CNTNAP5: variants seen among roughly 807,000 people sequenced by gnomAD.
The protein encoded by CNTNAP5 is contactin-associated protein-like 5.
A neutral mutation model predicts 150.2 loss-of-function variants in CNTNAP5; 72 were observed. The observed-to-expected ratio is 0.48, with a 90% CI of 0.40 to 0.58. CNTNAP5 has a LOEUF of 0.58. CNTNAP5 is among the 20% of genes least tolerant of loss of function. CNTNAP5 has a pLI of 0.00. For synonymous variants in CNTNAP5, 672 were observed against 619.8 expected (o/e 1.08, Z -1.25); for missense variants, 1,636 against 1,626.2 (o/e 1.01, Z -0.10).
At chr2:124,080,828 C>A (rs1442169225) in intron 1 of CNTNAP5, among the ~76,000 whole-genome samples, 3 of 152,130 alleles carry the variant, frequency 2.0e-5, no homozygotes, top group African/African-American at 7.2e-5. Context: ...TCAAGAACAA[C>A]CTTAAAAACC....
At chr2:124,230,349 A>G (rs1686583810) in intron 2 of CNTNAP5, among the ~76,000 whole-genome samples, 1 of 152,088 alleles carries the variant, frequency 6.6e-6, no homozygotes, top group Admixed American at 6.6e-5. Context: ...TCCAGATTAC[A>G]AGGGAAAATC....
At chr2:124,467,908 T>C (rs1049771663) in intron 6 of CNTNAP5, among the ~76,000 whole-genome samples, 22 of 152,306 alleles carry the variant, frequency 1.4e-4, no homozygotes, top group African/African-American at 5.1e-4. Context: ...TAATAATTAC[T>C]TAATGATTAT....
intron 3 of CNTNAP5, among the ~76,000 whole-genome samples, chr2:124,248,357 G>T (rs1687082710): frequency 6.6e-6 from 1 of 152,162 alleles, no homozygotes; most frequent in Non-Finnish European, 1.5e-5. Context: ...ATAAAGCCTG[G>T]ACTTCACTAT....
At chr2:124,561,380 T>G (rs1244034143) in intron 10 of CNTNAP5, among the ~76,000 whole-genome samples, 1 of 152,144 alleles carries the variant, frequency 6.6e-6, no homozygotes, top group Admixed American at 6.5e-5. Flanking sequence ...TCTAAGTTTT[T>G]GGAACTTCCC....
chr2:124,179,693 C>T (rs1458758778), intron 1 of CNTNAP5, among the ~76,000 whole-genome samples: 4 of 152,142 alleles, frequency 2.6e-5, no homozygotes, highest in Non-Finnish European at 4.4e-5. Context: ...GCAAGTTGCA[C>T]GGCATGGAAG....
intron 19 of CNTNAP5, among the ~76,000 whole-genome samples, chr2:124,799,290 G>A (rs1052968946): frequency 1.7e-4 from 26 of 152,272 alleles, no homozygotes; most frequent in Middle Eastern, 3.4e-3. Context: ...AATGGTGAAC[G>A]ACACCACTTA....
intron 3 of CNTNAP5, among the ~76,000 whole-genome samples, chr2:124,252,588 TC>T (rs929889702): frequency 6.6e-6 from 1 of 152,094 alleles, no homozygotes; most frequent in Non-Finnish European, 1.5e-5. Context: ...CTTCATACAC[TC>T]CCCCCTCATT....
chr2:124,918,950 T>C lies in CNTNAP5; in HGVS notation c.*4662T>C, dbSNP rs545688595. ...TGTTTTCTTTAAAATACACATAATG[T>C]AATTGAATTATTTCTATATACTGTT... On this transcript the variant is annotated 3_prime_UTR_variant, in exon 24 of 24. Transcript: ENST00000682447. Among the ~76,000 whole-genome samples the C allele has an allele frequency of 9.9e-5, 15 of 152,262 alleles. No homozygotes were observed. In the South Asian group the frequency reaches 3.1e-3, roughly 32 times the overall value.
chr2:124,738,738 A>AAAAG (rs1195247142), intron 13 of CNTNAP5, among the ~76,000 whole-genome samples: 1 of 151,866 alleles, frequency 6.6e-6, no homozygotes, highest in African/African-American at 2.4e-5. Context: ...CAAAAAAAAA[A>AAAAG]AAAGAAAGAA....
At chr2:124,527,894 C>T (rs1460995595) in intron 10 of CNTNAP5, among the ~76,000 whole-genome samples, 1 of 152,148 alleles carries the variant, frequency 6.6e-6, no homozygotes, top group Non-Finnish European at 1.5e-5. Context: ...TGCCCAATAA[C>T]ACACAACTAC....
At chr2:124,485,632 A>AAAAG (rs1553472353) in intron 7 of CNTNAP5, among the ~76,000 whole-genome samples, 1 of 125,308 alleles carries the variant, frequency 8.0e-6, no homozygotes, top group South Asian at 3.0e-4. Context: ...AAAAAAAAAA[A>AAAAG]AAGAAGAAGG....
chr2:124,225,331 C>G (rs1030109252), intron 2 of CNTNAP5, among the ~76,000 whole-genome samples: 1 of 152,096 alleles, frequency 6.6e-6, no homozygotes, highest in East Asian at 1.9e-4. Context: ...TGGCCATGCC[C>G]GGCTTTCACC....
rs780364536 is a variant in CNTNAP5, at chr2:124,747,455, A to G, written c.2234+70A>G. ...TAATTGATGCATAAAATTCCCCAAGACAGAAGGACATGGATGAGAAATTCA... is the reference window on the plus strand; with the variant it reads ...TAATTGATGCATAAAATTCCCCAAGGCAGAAGGACATGGATGAGAAATTCA... On this transcript the variant is annotated intron_variant, in intron 14 of 23. Coordinates refer to ENST00000682447, the MANE Select transcript of CNTNAP5 (RefSeq NM_001367498.1). The G allele has an allele frequency of 7.1e-6, 11 of 1,551,790 alleles. No individual in the cohort carries two copies. The South Asian group carries it at 7.8e-5, about 11-fold the overall frequency.
intron 13 of CNTNAP5, among the ~76,000 whole-genome samples, chr2:124,718,894 G>A (rs182585507): frequency 9.1e-4 from 137 of 150,524 alleles, no homozygotes; most frequent in Non-Finnish European, 1.2e-3. Context: ...GCAGTGAGCC[G>A]GGATTATGCC....
At chr2:124,214,094 T>C (rs1447898747) in intron 1 of CNTNAP5, among the ~76,000 whole-genome samples, 1 of 152,114 alleles carries the variant, frequency 6.6e-6, no homozygotes, top group African/African-American at 2.4e-5. Context: ...AGAGTCCTCA[T>C]CCATGGAATA....
intron 13 of CNTNAP5, among the ~76,000 whole-genome samples, chr2:124,717,642 G>A (rs541654228): frequency 1.3e-5 from 2 of 152,188 alleles, no homozygotes; most frequent in Non-Finnish European, 2.9e-5. Flanking sequence ...ATTGAACGAT[G>A]CATCACACAT....
At chr2:124,626,574 G>A (rs1677727243) in intron 12 of CNTNAP5, among the ~76,000 whole-genome samples, 1 of 152,090 alleles carries the variant, frequency 6.6e-6, no homozygotes, top group African/African-American at 2.4e-5. Flanking sequence ...TGTGGATCAG[G>A]AGATTCCCTC....
chr2:124,704,550 G>A (rs903142180), intron 13 of CNTNAP5, among the ~76,000 whole-genome samples: 13 of 152,174 alleles, frequency 8.5e-5, no homozygotes, highest in African/African-American at 3.1e-4. Context: ...ATATCATAGG[G>A]AAGTGATTTT....
rs529249252 is a variant in CNTNAP5 at position 124,438,458 on chromosome 2, G to T, written c.733+3771G>T. ...ATGCAGGTCAATCATCCTTATAAGA[G>T]CCCAGTGCCTTTTAACTGAGGCAGG... On this transcript the variant is annotated intron_variant, in intron 5 of 23. Transcript: ENST00000682447. 7.2e-5 allele frequency among the ~76,000 whole-genome samples: 11 copies of T among 152,234 alleles called. 1 individual carries two copies. In the South Asian group the frequency reaches 1.9e-3, roughly 26 times the overall value.
Sources: gnomAD v4.1 joint callset for allele counts (sites outside exome capture counted in the v4.1 genomes callset) on GRCh38, gnomAD v4.1.1 for gene constraint, MANE v1.5 for transcripts, NCBI Gene and HGNC (gene_info 2026-07-23, HGNC 2026-07-21) for gene names.